The following MORC3 variants were observed in gnomAD, a reference collection of about 807,000 sequenced individuals.
MORC3 encodes the protein MORC family CW-type zinc finger protein 3.
MORC3 carries 31 observed loss-of-function variants against 109.1 expected under a neutral mutation model. The observed-to-expected ratio is 0.28, with a 90% CI of 0.21 to 0.38. The LOEUF is 0.38. Among genes scored for constraint, MORC3 ranks in the 10% least tolerant of loss-of-function variants. MORC3 has a pLI of 1.00. For missense variants in MORC3, 867 were observed against 1,135.8 expected (o/e 0.76, Z 3.40); for synonymous variants, 395 against 380.7 (o/e 1.04, Z -0.44).
Position 36,360,247 on chromosome 21 carries a change from C to T in MORC3, c.1395C>T (p.Thr465=). The T allele has an allele frequency of 6.2e-7, 1 of 1,613,598 alleles. No individual in the cohort carries two copies. Residue 465 remains threonine, a synonymous_variant, in exon 12 of 17, where the codon ACC becomes ACT. Transcript: ENST00000400485. ...TGGTACATCCCACTTATGAAAAAACCTACAAAAAGACGTGAGTGTTGTATT... is the reference window on the plus strand; with the variant it reads ...TGGTACATCCCACTTATGAAAAAACTTACAAAAAGACGTGAGTGTTGTATT... The part of the protein sequence containing the change: ...EDLVHPTYEK[T]YKKTNKEKFR...
intron 14 of MORC3, 51 bp from the exon 15 acceptor site, chr21:36,368,937 A>C (rs773340786): frequency 7.0e-7 from 1 of 1,438,196 alleles, no homozygotes; most frequent in Non-Finnish European, 9.3e-7. Flanking sequence ...AAGGTCATCT[A>C]TTTTGTCCAT....
chr21:36,345,609 G>A (rs9636903), intron 8 of MORC3, among the ~76,000 whole-genome samples: 110,922 of 151,888 alleles, frequency 0.73, 41,592 homozygotes, highest in East Asian at 1. Flanking sequence ...TTTAGTAGAG[G>A]TGAGGTTTCA....
At chr21:36,354,323 C>CTTTTTTT (rs144208712) in intron 9 of MORC3, among the ~76,000 whole-genome samples, 14 of 113,628 alleles carry the variant, frequency 1.2e-4, no homozygotes, top group East Asian at 2.6e-4. Context: ...TTCTTTCTTT[C>CTTTTTTT]TTTTTTTTTT....
chr21:36,353,627 T>C (rs1369673667), intron 9 of MORC3, among the ~76,000 whole-genome samples: 1 of 151,726 alleles, frequency 6.6e-6, no homozygotes, highest in Non-Finnish European at 1.5e-5. Flanking sequence ...TCATCCAGTC[T>C]GGAGTGCAGT....
At chr21:36,332,200 T>G (rs907460640) in intron 1 of MORC3, among the ~76,000 whole-genome samples, 1 of 151,856 alleles carries the variant, frequency 6.6e-6, no homozygotes, top group Admixed American at 6.6e-5. Context: ...TTTGGGAGGC[T>G]GAAGAGGGTG....
chr21:36,322,081 C>T (rs2085200391), intron 1 of MORC3, among the ~76,000 whole-genome samples: 1 of 152,122 alleles, frequency 6.6e-6, no homozygotes, highest in African/African-American at 2.4e-5. Flanking sequence ...CTACATACAG[C>T]TCATGGGCCA....
At chr21:36,373,752 A>G (rs2085898266) in intron 16 of MORC3, among the ~76,000 whole-genome samples, 2 of 152,238 alleles carry the variant, frequency 1.3e-5, no homozygotes, top group Non-Finnish European at 2.9e-5. Flanking sequence ...AAGGAAGAAC[A>G]TCTTGATCCC....
chr21:36,365,528 T>G (rs1453630304), intron 14 of MORC3, among the ~76,000 whole-genome samples: 1 of 152,204 alleles, frequency 6.6e-6, no homozygotes, highest in African/African-American at 2.4e-5. Flanking sequence ...AATAACTAAC[T>G]GCCTTTATGC....
intron 1 of MORC3, among the ~76,000 whole-genome samples, chr21:36,332,303 G>A (rs1418202126): frequency 6.6e-6 from 1 of 152,088 alleles, no homozygotes; most frequent in Admixed American, 6.6e-5. Context: ...ATGTGTGGTG[G>A]TGCGCACCTG....
At chr21:36,331,137 G>C (rs1048259722) in intron 1 of MORC3, among the ~76,000 whole-genome samples, 1 of 144,406 alleles carries the variant, frequency 6.9e-6, no homozygotes, top group Non-Finnish European at 1.5e-5. Context: ...CTACAGATGT[G>C]GTTGGCTTGA....
chr21:36,346,307 A>G (rs1025233299), intron 8 of MORC3, among the ~76,000 whole-genome samples: 3 of 152,172 alleles, frequency 2.0e-5, no homozygotes, highest in East Asian at 1.9e-4. Context: ...GCCTGAGGCA[A>G]TGCGCTCGGC....
At chr21:36,362,413 C>T (rs1443550518) in intron 13 of MORC3, among the ~76,000 whole-genome samples, 185 bp downstream of exon 13, 3 of 151,458 alleles carry the variant, frequency 2.0e-5, no homozygotes, top group South Asian at 2.1e-4. Flanking sequence ...TGTGGTGGCA[C>T]ATACCTGTAA....
intron 12 of MORC3, 54 bp downstream of exon 12, chr21:36,360,312 A>G (rs1011669056): frequency 1.3e-6 from 2 of 1,488,682 alleles, no homozygotes; most frequent in Admixed American, 3.6e-5. Flanking sequence ...ATGAACAGTG[A>G]TGCCTTGGCA....
At chr21:36,365,653 C>T (rs2085772304) in intron 14 of MORC3, among the ~76,000 whole-genome samples, 1 of 152,170 alleles carries the variant, frequency 6.6e-6, no homozygotes, top group African/African-American at 2.4e-5. Context: ...GCAATCTCAA[C>T]TCAATGCAAC....
At chr21:36,338,705 T>C (rs1414066265) in intron 4 of MORC3, 69 bp from the exon 5 acceptor site, 5 of 1,395,320 alleles carry the variant, frequency 3.6e-6, no homozygotes, top group Non-Finnish European at 4.9e-6. Flanking sequence ...TTTAAGTTTA[T>C]AGAGTTAGTT....
At position 36,344,962 on chromosome 21, in the gene MORC3, T is replaced by C. The variant is rs371998312; in HGVS notation, c.936T>C (p.His312=). 7.6e-5 allele frequency: 123 copies of C among 1,612,124 alleles called. No individual in the cohort carries two copies. The highest frequency in any genetic ancestry group is 1.0e-4 in the Non-Finnish European group (120 of 1,179,154). The part of the protein sequence containing the change: ...TFGFNCRNKD[H]YGIMMYHRNR... ...GATTCAACTGCAGAAATAAAGATCA[T>C]TATGGGATAATGATGTATCACAGAA... Residue 312 remains histidine, a synonymous_variant, in exon 8 of 17, where the codon CAT becomes CAC. Transcript: ENST00000400485.
At chr21:36,346,156 GACT>G (rs2146310825) in intron 8 of MORC3, among the ~76,000 whole-genome samples, 1 of 152,314 alleles carries the variant, frequency 6.6e-6, no homozygotes, top group African/African-American at 2.4e-5. Flanking sequence ...AAGTAGCTGG[GACT>G]ACTGGCGTGT....
At chr21:36,366,746 TG>T (rs1453487408) in intron 14 of MORC3, among the ~76,000 whole-genome samples, 1 of 152,218 alleles carries the variant, frequency 6.6e-6, no homozygotes, top group East Asian at 1.9e-4. Flanking sequence ...TGAGCCACTT[TG>T]CCCGGCCTAT....
In MORC3 at chr21:36,333,629, C is replaced by T. The variant is rs753482700; in HGVS notation, c.40-17C>T. On this transcript the variant is annotated splice_polypyrimidine_tract_variant and intron_variant, in intron 1 of 16. Coordinates refer to ENST00000400485, the MANE Select transcript of MORC3 (RefSeq NM_015358.3). The stretch of plus-strand genomic sequence containing the variant: ...TAAGACCTGAATTAATTTACATGGA[C>T]CTTTTGTTTGTTTCAGCTTTGCCCG... The T allele has an allele frequency of 6.3e-6, 10 of 1,598,226 alleles. No homozygotes were observed. Among genetic ancestry groups the T allele is most frequent in the Non-Finnish European group, 8.6e-6 (10 of 1,166,576 alleles).
Sources: allele counts gnomAD v4.1 joint callset (sites outside exome capture counted in the v4.1 genomes callset), GRCh38; gene constraint gnomAD v4.1.1; transcripts MANE v1.5; gene names NCBI Gene and HGNC (gene_info 2026-07-23, HGNC 2026-07-21).